The following KDM4C variants were observed in gnomAD, a reference collection of about 807,000 sequenced individuals.
The protein encoded by KDM4C is lysine demethylase 4C.
KDM4C carries 81 observed loss-of-function variants against 129.3 expected under a neutral mutation model. That is an observed-to-expected ratio of 0.63 (90% CI 0.52 to 0.75). The LOEUF (loss-of-function observed/expected upper bound fraction) is 0.75. Ranked by LOEUF, KDM4C falls within the 30% of genes least tolerant of loss-of-function variation. The probability of loss-of-function intolerance (pLI) is 0.00; values close to 1 mark genes in which losing one functional copy is unlikely to be tolerated. For synonymous variants in KDM4C, 573 were observed against 456.1 expected, an observed-to-expected ratio of 1.26 and a Z score of -3.26; for missense variants, 1,457 against 1,304.0, an observed-to-expected ratio of 1.12 and a Z score of -1.81.
chr9:7,049,885 C>T (rs1022313305), intron 17 of KDM4C, among the ~76,000 whole-genome samples: 11 of 152,040 alleles, frequency 7.2e-5, no homozygotes, highest in African/African-American at 2.7e-4. Context: ...TTAGAACTTT[C>T]CCCAAAGTTC....
chr9:6,879,926 T>C, intron 5 of KDM4C, 86 bp from the exon 6 acceptor site: 2 of 607,934 alleles, frequency 3.3e-6, no homozygotes, highest in South Asian at 2.4e-5. Context: ...ATTTCTTTTA[T>C]GTGACATTAT....
chr9:6,890,893 G>C (rs1218299167), intron 7 of KDM4C, among the ~76,000 whole-genome samples: 2 of 152,214 alleles, frequency 1.3e-5, no homozygotes, highest in Non-Finnish European at 2.9e-5. Flanking sequence ...AGATAATGGA[G>C]CTTGAACCGT....
chr9:7,174,730 T>A lies in KDM4C; in HGVS notation c.*1T>A. The A allele has an allele frequency of 6.2e-7, 1 of 1,612,964 alleles. No individual in the cohort carries two copies. ...GAAGAAGTGCCAGAAGAGACAGTAG[T>A]CTGCATACATCGCTGCAGGCCACAG... On this transcript the variant is annotated 3_prime_UTR_variant, in exon 22 of 22. Transcript: ENST00000381309.
intron 1 of KDM4C, among the ~76,000 whole-genome samples, chr9:6,778,044 C>G (rs889530471): frequency 2.6e-5 from 4 of 151,312 alleles, no homozygotes; most frequent in African/African-American, 9.7e-5. Flanking sequence ...CCTCAGCCTC[C>G]TGAGTGGCTG....
chr9:6,835,195 A>G (rs1415767869), intron 4 of KDM4C: 3 of 923,156 alleles, frequency 3.2e-6, no homozygotes, highest in Admixed American at 1.7e-5. Flanking sequence ...CCAGGTCATC[A>G]CCATCGGCAA....
chr9:6,838,327 C>T (rs1243203310), intron 4 of KDM4C, among the ~76,000 whole-genome samples: 1 of 152,116 alleles, frequency 6.6e-6, no homozygotes, highest in Non-Finnish European at 1.5e-5. Context: ...TGGCTTTCTT[C>T]CCGGTATGCA....
At chr9:6,871,441 A>G (rs1842812079) in intron 5 of KDM4C, among the ~76,000 whole-genome samples, 1 of 152,202 alleles carries the variant, frequency 6.6e-6, no homozygotes, top group Non-Finnish European at 1.5e-5. Context: ...AAAAGACTTC[A>G]GTTTTAAATG....
At chr9:7,093,299 C>T (rs1228846847) in intron 17 of KDM4C, among the ~76,000 whole-genome samples, 6 of 152,054 alleles carry the variant, frequency 3.9e-5, no homozygotes, top group African/African-American at 1.4e-4. Flanking sequence ...AGTTCTGAGT[C>T]TGAAACAATA....
chr9:6,937,575 C>A (rs368920091), intron 8 of KDM4C, among the ~76,000 whole-genome samples: 2 of 152,232 alleles, frequency 1.3e-5, no homozygotes, highest in African/African-American at 4.8e-5. Context: ...ACAAGCCATT[C>A]TTACCTGTTG....
At chr9:6,784,262 A>G (rs1824998702) in intron 1 of KDM4C, among the ~76,000 whole-genome samples, 3 of 152,178 alleles carry the variant, frequency 2.0e-5, no homozygotes, top group Admixed American at 1.3e-4. Flanking sequence ...TGGAGGAGGC[A>G]TGTGGGAGGG....
intron 8 of KDM4C, among the ~76,000 whole-genome samples, chr9:6,928,011 A>C (rs1280060667): frequency 6.6e-6 from 1 of 152,032 alleles, no homozygotes; most frequent in Non-Finnish European, 1.5e-5. Flanking sequence ...ACACCTTTAC[A>C]CTGTTGGAAA....
At chr9:6,948,458 A>ATTT (rs568217316) in intron 8 of KDM4C, among the ~76,000 whole-genome samples, 11 of 117,138 alleles carry the variant, frequency 9.4e-5, no homozygotes, top group African/African-American at 2.4e-4. Flanking sequence ...CACTTTCCTC[A>ATTT]TTTTTTTTTT....
chr9:6,956,023 C>G (rs11792899), intron 8 of KDM4C, among the ~76,000 whole-genome samples: 40,621 of 151,954 alleles, frequency 0.27, 5,763 homozygotes, highest in South Asian at 0.43. Context: ...TGCACATGTT[C>G]TCACTTATTT....
chr9:7,017,532 G>A (rs1823908869), intron 15 of KDM4C, among the ~76,000 whole-genome samples: 1 of 152,034 alleles, frequency 6.6e-6, no homozygotes. Flanking sequence ...TCAAATCTTT[G>A]TTTTCCATTC....
upstream of KDM4C, among the ~76,000 whole-genome samples, chr9:6,753,214 C>T (rs545257658): frequency 5.3e-5 from 8 of 152,326 alleles, no homozygotes; most frequent in African/African-American, 1.9e-4. Context: ...TTTGGACTGT[C>T]TTTCCAATGA....
intron 1 of KDM4C, among the ~76,000 whole-genome samples, chr9:6,778,012 T>C (rs1238266077): frequency 1.3e-5 from 2 of 151,230 alleles, no homozygotes; most frequent in Non-Finnish European, 2.9e-5. Context: ...CCTTGAACTC[T>C]TGGACTCAGG....
At chr9:6,813,335 C>T (rs931132775) in intron 3 of KDM4C, among the ~76,000 whole-genome samples, 7 of 152,170 alleles carry the variant, frequency 4.6e-5, no homozygotes, top group African/African-American at 1.7e-4. Flanking sequence ...ATCCCATGCC[C>T]ATCCTTTTTA....
chr9:6,989,794 C>T (rs946154789), intron 11 of KDM4C, among the ~76,000 whole-genome samples: 10 of 152,024 alleles, frequency 6.6e-5, no homozygotes, highest in African/African-American at 1.7e-4. Context: ...TTATTTTTGG[C>T]GACAGGGTCT....
At chr9:7,120,159 AT>A (rs113215491) in intron 18 of KDM4C, among the ~76,000 whole-genome samples, 2,884 of 149,122 alleles carry the variant, frequency 0.019, 97 homozygotes, top group African/African-American at 0.066. Flanking sequence ...AGGAATGATG[AT>A]TTTTTTTTTT....
Sources: gnomAD v4.1 joint callset for allele counts (sites outside exome capture counted in the v4.1 genomes callset) on GRCh38, gnomAD v4.1.1 for gene constraint, MANE v1.5 for transcripts, NCBI Gene and HGNC (gene_info 2026-07-23, HGNC 2026-07-21) for gene names.